The following CUEDC1 variants were observed in gnomAD, a reference collection of about 807,000 sequenced individuals.
CUEDC1 encodes CUE domain containing 1, also known as CUE domain-containing protein 1.
A neutral mutation model predicts 43.7 loss-of-function variants in CUEDC1; 30 were observed. That is an observed-to-expected ratio of 0.69 (90% confidence interval 0.51 to 0.93). The LOEUF (loss-of-function observed/expected upper bound fraction) is 0.93, where lower values mean the gene tolerates loss of function less well. Among genes scored for constraint, CUEDC1 ranks in the 40% least tolerant of loss-of-function variants. The probability of loss-of-function intolerance (pLI) is 0.00; values close to 1 mark genes in which losing one functional copy is unlikely to be tolerated. For synonymous variants in CUEDC1, 223 were observed against 223.6 expected (o/e 1.00, Z 0.02); for missense variants, 486 against 549.0 (o/e 0.89, Z 1.15).
At chr17:57,950,579 TCTC>T (rs1279451436) in intron 1 of CUEDC1, among the ~76,000 whole-genome samples, 1 of 152,006 alleles carries the variant, frequency 6.6e-6, no homozygotes, top group Non-Finnish European at 1.5e-5. Flanking sequence ...TTCAAGCTAT[TCTC>T]CTGCCTCAGC....
intron 1 of CUEDC1, among the ~76,000 whole-genome samples, chr17:57,952,305 C>T (rs1306365022): frequency 6.6e-6 from 1 of 151,956 alleles, no homozygotes; most frequent in East Asian, 1.9e-4. Flanking sequence ...CGGCTCACTG[C>T]AACCTCCACC....
At chr17:57,933,733 C>T (rs148682368) in intron 1 of CUEDC1, among the ~76,000 whole-genome samples, 1 of 152,322 alleles carries the variant, frequency 6.6e-6, no homozygotes, top group South Asian at 2.1e-4. Flanking sequence ...CAGCAGTAAA[C>T]TCTAGTCTAC....
chr17:57,905,802 T>G (rs1269311994), intron 1 of CUEDC1, among the ~76,000 whole-genome samples: 2 of 152,158 alleles, frequency 1.3e-5, no homozygotes, highest in Non-Finnish European at 2.9e-5. Flanking sequence ...CAGGAAGACG[T>G]CTGGGTGGAT....
intron 1 of CUEDC1, among the ~76,000 whole-genome samples, chr17:57,908,668 T>C (rs945970622): frequency 2.6e-5 from 4 of 152,188 alleles, no homozygotes; most frequent in Non-Finnish European, 4.4e-5. Flanking sequence ...CATTTGTGTG[T>C]GTGCACGCAT....
chr17:57,921,930 T>A (rs967337678), intron 1 of CUEDC1, among the ~76,000 whole-genome samples: 1 of 152,182 alleles, frequency 6.6e-6, no homozygotes, highest in Non-Finnish European at 1.5e-5. Context: ...CTGGCCAACA[T>A]GGTGAAACCC....
At chr17:57,866,401 G>A (rs899253956) in intron 10 of CUEDC1, 73 bp downstream of exon 10, 2 of 1,422,716 alleles carry the variant, frequency 1.4e-6, no homozygotes, top group Non-Finnish European at 2.0e-6. Context: ...CACCTGGGAG[G>A]ACATGTGGGG....
intron 2 of CUEDC1, among the ~76,000 whole-genome samples, chr17:57,882,478 A>G (rs1183671806): frequency 1.3e-5 from 2 of 152,024 alleles, no homozygotes; most frequent in African/African-American, 4.8e-5. Context: ...AGAAAATACT[A>G]CCCTACCTGC....
At chr17:57,915,214 C>T (rs996276486) in intron 1 of CUEDC1, 1 of 129,146 alleles carries the variant, frequency 7.7e-6, no homozygotes, top group African/African-American at 3.5e-5. Flanking sequence ...AAAAAACTTC[C>T]TGACTATAAA....
Position 57,863,068 on chromosome 17 carries a change from C to T in CUEDC1, c.*221G>A, listed in dbSNP as rs565876769. On this transcript the variant is annotated 3_prime_UTR_variant, in exon 11 of 11. Transcript: ENST00000577830. ...AATTGGCTGCTGCCTATAGGGGCCC[C>T]AGGTCCTTCCTCCAATTGCAAGGCA... 9.2e-5 allele frequency: 14 copies of T among 152,608 alleles called. No homozygotes were observed. In the East Asian group the frequency reaches 2.7e-3, roughly 29 times the overall value. 9.5% of individuals were successfully genotyped at this position (152,608 alleles called of 1,614,324 possible). A position where few individuals can be genotyped will look rare whatever the true frequency, so the allele number is the denominator to read the frequency against.
intron 1 of CUEDC1, among the ~76,000 whole-genome samples, chr17:57,897,187 A>G (rs1252995325): frequency 6.6e-6 from 1 of 152,214 alleles, no homozygotes; most frequent in Non-Finnish European, 1.5e-5. Flanking sequence ...CTTGGCATGC[A>G]TTATCTCATC....
chr17:57,867,288 C>G, intron 9 of CUEDC1, 69 bp downstream of exon 9: 1 of 1,470,230 alleles, frequency 6.8e-7, no homozygotes, highest in Non-Finnish European at 9.3e-7. Context: ...CCATGAAACA[C>G]CCAGGAACTC....
In CUEDC1 at chr17:57,915,943, T is replaced by C. The variant is rs143262522; in HGVS notation, c.-315-30064A>G. 2.4e-3 allele frequency among the ~76,000 whole-genome samples: 365 copies of C among 152,330 alleles called. 1 individual carries two copies. Among genetic ancestry groups the C allele is most frequent in the Non-Finnish European group, 4.2e-3 (283 of 68,034 alleles). On this transcript the variant is annotated intron_variant, in intron 1 of 10. Coordinates refer to ENST00000577830, the MANE Select transcript of CUEDC1 (RefSeq NM_001271875.2). ...ACCCGTTTGAATCAAACACAGAATT[T>C]AGTATTCACCATAGAACAATCATAT...
At chr17:57,865,670 C>T (rs1016179348) in intron 10 of CUEDC1, among the ~76,000 whole-genome samples, 1 of 152,132 alleles carries the variant, frequency 6.6e-6, no homozygotes, top group African/African-American at 2.4e-5. Flanking sequence ...GGAGAAATGG[C>T]TTGGAGCCCT....
chr17:57,896,801 C>G (rs1295640598), intron 1 of CUEDC1, among the ~76,000 whole-genome samples: 1 of 115,006 alleles, frequency 8.7e-6, no homozygotes, highest in East Asian at 2.7e-4. Flanking sequence ...GATGGAGTCT[C>G]TCTCTGTCAT....
chr17:57,905,638 T>A (rs2074523248), intron 1 of CUEDC1, among the ~76,000 whole-genome samples: 1 of 152,046 alleles, frequency 6.6e-6, no homozygotes, highest in South Asian at 2.1e-4. Context: ...CAATACCCCA[T>A]ATGCAACAAA....
Position 57,920,627 on chromosome 17 carries a change from CTTTTCT to C in CUEDC1, c.-316+34592_-316+34597del, listed in dbSNP as rs1396571849. Among the ~76,000 whole-genome samples, 4 of 118,190 alleles carry C rather than the reference CTTTTCT, an allele frequency of 3.4e-5. No homozygotes were observed. In the East Asian group the frequency reaches 8.4e-4, roughly 25 times the overall value. 77.5% of individuals were successfully genotyped at this position (118,190 alleles called of 152,430 possible). A position where few individuals can be genotyped will look rare whatever the true frequency, so the allele number is the denominator to read the frequency against. On this transcript the variant is annotated intron_variant, in intron 1 of 10. Transcript: ENST00000577830. ...TTTTTATTATCTGAATTTTCTTTTT[CTTTTCT>C]TTTTTTTTTTTTTTTTGAGATGGAG...
At chr17:57,952,006 C>T (rs2075011864) in intron 1 of CUEDC1, among the ~76,000 whole-genome samples, 1 of 152,086 alleles carries the variant, frequency 6.6e-6, no homozygotes, top group Non-Finnish European at 1.5e-5. Flanking sequence ...AGTGAGCCAA[C>T]ACAGCTAGCA....
chr17:57,914,158 G>T (rs2074613704), intron 1 of CUEDC1, among the ~76,000 whole-genome samples: 1 of 152,198 alleles, frequency 6.6e-6, no homozygotes, highest in Non-Finnish European at 1.5e-5. Flanking sequence ...AGCAGGCAAG[G>T]AATATGTCTA....
Position 57,951,057 on chromosome 17 carries a change from G to A in CUEDC1, c.-316+4168C>T, listed in dbSNP as rs565790035. ...ATGACATTTCAGTCTCCCCACCCCC[G>A]CCTCCACTGTGCGGTCCTCTCTGCT... On this transcript the variant is annotated intron_variant, in intron 1 of 10. Transcript: ENST00000577830. Among the ~76,000 whole-genome samples, 21 of 65,902 alleles carry A rather than the reference G, an allele frequency of 3.2e-4. 1 individual carries two copies. In the South Asian group the frequency reaches 3.5e-3, roughly 11 times the overall value. 43.2% of individuals were successfully genotyped at this position (65,902 alleles called of 152,430 possible). A position where few individuals can be genotyped will look rare whatever the true frequency, so the allele number is the denominator to read the frequency against.
Sources: allele counts gnomAD v4.1 joint callset (sites outside exome capture counted in the v4.1 genomes callset), GRCh38; gene constraint gnomAD v4.1.1; transcripts MANE v1.5; gene names NCBI Gene and HGNC (gene_info 2026-07-23, HGNC 2026-07-21).